The following ZBTB20 variants were observed in gnomAD, a reference collection of about 807,000 sequenced individuals.
The protein encoded by ZBTB20 is zinc finger and BTB domain containing 20, also known as zinc finger and BTB domain-containing protein 20.
Under a neutral mutation model 56.9 loss-of-function variants are expected in ZBTB20, and 9 were observed. That is an observed-to-expected ratio of 0.16 (90% CI 0.10 to 0.28). The LOEUF (loss-of-function observed/expected upper bound fraction) is 0.28, where lower values mean the gene tolerates loss of function less well. Among genes scored for constraint, ZBTB20 ranks in the 10% least tolerant of loss-of-function variants. ZBTB20 has a pLI of 1.00. For missense variants in ZBTB20, 655 were observed against 1,003.0 expected, an observed-to-expected ratio of 0.65 and a Z score of 4.69; for synonymous variants, 417 against 420.7, an observed-to-expected ratio of 0.99 and a Z score of 0.11.
intron 6 of ZBTB20, among the ~76,000 whole-genome samples, chr3:114,501,646 C>CA (rs761238911): frequency 0.027 from 2,314 of 84,228 alleles, 37 homozygotes; most frequent in Non-Finnish European, 0.037. Flanking sequence ...AATCACAGGC[C>CA]AAAAAAAAAA....
At chr3:115,132,250 C>T (rs1425801022) in intron 1 of ZBTB20, among the ~76,000 whole-genome samples, 1 of 152,038 alleles carries the variant, frequency 6.6e-6, no homozygotes, top group Non-Finnish European at 1.5e-5. Flanking sequence ...TCTTGAAAAA[C>T]TTATTAATAG....
intron 6 of ZBTB20, among the ~76,000 whole-genome samples, chr3:114,649,016 C>T (rs2059992317): frequency 6.6e-6 from 1 of 151,984 alleles, no homozygotes; most frequent in African/African-American, 2.4e-5. Context: ...AAGTAGCTCA[C>T]CATTTAAAAA....
At chr3:115,036,132 T>C (rs2080908424) in intron 2 of ZBTB20, among the ~76,000 whole-genome samples, 1 of 152,240 alleles carries the variant, frequency 6.6e-6, no homozygotes, top group South Asian at 2.1e-4. Flanking sequence ...AAGATGAAAA[T>C]AATTCTGGAG....
intron 2 of ZBTB20, among the ~76,000 whole-genome samples, chr3:114,993,381 A>C (rs954120246): frequency 1.3e-5 from 2 of 151,898 alleles, no homozygotes; most frequent in Non-Finnish European, 2.9e-5. Flanking sequence ...ACAGGAAAGA[A>C]TACAATTAGT....
At chr3:114,969,259 G>C (rs1369183087) in intron 3 of ZBTB20, among the ~76,000 whole-genome samples, 2 of 152,152 alleles carry the variant, frequency 1.3e-5, no homozygotes, top group African/African-American at 4.8e-5. Flanking sequence ...GAAGAAAGGA[G>C]GGAGGATTGA....
chr3:114,997,732 T>A (rs901567479), intron 2 of ZBTB20, among the ~76,000 whole-genome samples: 1 of 151,764 alleles, frequency 6.6e-6, no homozygotes, highest in Non-Finnish European at 1.5e-5. Flanking sequence ...TTAGTCTTTT[T>A]AAGTGGTAGG....
At chr3:114,435,807 C>A (rs1364657725) in intron 7 of ZBTB20, among the ~76,000 whole-genome samples, 1 of 152,108 alleles carries the variant, frequency 6.6e-6, no homozygotes, top group African/African-American at 2.4e-5. Flanking sequence ...CCTATGTTAG[C>A]TAAAAATCTC....
At chr3:114,786,953 G>A (rs1391555078) in intron 5 of ZBTB20, among the ~76,000 whole-genome samples, 2 of 151,854 alleles carry the variant, frequency 1.3e-5, no homozygotes, top group Admixed American at 6.6e-5. Flanking sequence ...GAAACAAATC[G>A]TGAAACATGC....
At chr3:114,676,040 C>A (rs2061607531) in intron 6 of ZBTB20, among the ~76,000 whole-genome samples, 2 of 152,000 alleles carry the variant, frequency 1.3e-5, no homozygotes, top group Admixed American at 1.3e-4. Flanking sequence ...CAGAAACTTG[C>A]CCAAGATCAC....
chr3:114,747,052 T>C (rs2067097978), intron 5 of ZBTB20, among the ~76,000 whole-genome samples: 1 of 152,212 alleles, frequency 6.6e-6, no homozygotes, highest in South Asian at 2.1e-4. Flanking sequence ...TCTGTGAATA[T>C]GTTTTACTAC....
At chr3:114,739,377 G>C (rs1343765248) in intron 5 of ZBTB20, among the ~76,000 whole-genome samples, 2 of 152,126 alleles carry the variant, frequency 1.3e-5, no homozygotes, top group Non-Finnish European at 2.9e-5. Flanking sequence ...TAACAAACGT[G>C]ATCATGTTAC....
rs765165637 is a variant in ZBTB20 at position 114,874,327 on chromosome 3, T to C, written c.-417+25977A>G. ...AACAAGTAGATATCACAGCATTTCA[T>C]TGATAGCTTATCAAACCACAGAATA... On this transcript the variant is annotated intron_variant, in intron 4 of 11. Transcript: ENST00000675478. Among the ~76,000 whole-genome samples, 11 of 152,310 alleles carry C rather than the reference T, an allele frequency of 7.2e-5. No homozygotes were observed. The East Asian group carries it at 1.3e-3, about 19-fold the overall frequency.
At chr3:114,414,919 T>G (rs1320908197) in intron 7 of ZBTB20, among the ~76,000 whole-genome samples, 5 of 151,888 alleles carry the variant, frequency 3.3e-5, no homozygotes, top group African/African-American at 4.8e-5. Flanking sequence ...TTTCCTTTTG[T>G]ATATTTTTGC....
At chr3:114,712,719 G>T (rs1341328078) in intron 5 of ZBTB20, among the ~76,000 whole-genome samples, 1 of 150,068 alleles carries the variant, frequency 6.7e-6, no homozygotes, top group Non-Finnish European at 1.5e-5. Context: ...CTACATAAAA[G>T]GATATAGCAG....
chr3:114,510,858 C>T (rs1487789292), intron 6 of ZBTB20, among the ~76,000 whole-genome samples: 1 of 152,060 alleles, frequency 6.6e-6, no homozygotes, highest in Non-Finnish European at 1.5e-5. Context: ...ACCGAGAGCT[C>T]CTTCCCTATC....
intron 5 of ZBTB20, among the ~76,000 whole-genome samples, chr3:114,760,652 T>C (rs2068370026): frequency 6.6e-6 from 1 of 152,344 alleles, no homozygotes; most frequent in African/African-American, 2.4e-5. Context: ...AAAACTATAA[T>C]GTCTTGATAT....
intron 6 of ZBTB20, among the ~76,000 whole-genome samples, chr3:114,522,758 A>C (rs2046783721): frequency 6.6e-6 from 1 of 152,162 alleles, no homozygotes; most frequent in South Asian, 2.1e-4. Context: ...CTGGGAGAGA[A>C]ATAAATTTTT....
chr3:114,981,315 T>C (rs539961805), intron 2 of ZBTB20, among the ~76,000 whole-genome samples: 1 of 152,104 alleles, frequency 6.6e-6, no homozygotes, highest in Non-Finnish European at 1.5e-5. Flanking sequence ...TTATGATTTG[T>C]AACCTTTCTT....
At chr3:114,447,313 T>C (rs2091329286) in intron 7 of ZBTB20, among the ~76,000 whole-genome samples, 1 of 152,110 alleles carries the variant, frequency 6.6e-6, no homozygotes, top group Non-Finnish European at 1.5e-5. Flanking sequence ...GATGCTTTTG[T>C]AGAATTAAAT....
Sources: allele counts gnomAD v4.1 joint callset (sites outside exome capture counted in the v4.1 genomes callset), GRCh38; gene constraint gnomAD v4.1.1; transcripts MANE v1.5; gene names NCBI Gene and HGNC (gene_info 2026-07-23, HGNC 2026-07-21).